Variants in PLEKHA6 observed in about 807,000 individuals in gnomAD.
PLEKHA6 encodes the protein pleckstrin homology domain containing A6.
Under a neutral mutation model 116.7 loss-of-function variants are expected in PLEKHA6, and 60 were observed. The observed-to-expected ratio is 0.51, with a 90% confidence interval of 0.42 to 0.64. PLEKHA6 has a LOEUF of 0.64. Ranked by LOEUF, PLEKHA6 falls within the 30% of genes least tolerant of loss-of-function variation. The probability of loss-of-function intolerance (pLI) is 0.00; values close to 1 mark genes in which losing one functional copy is unlikely to be tolerated. For synonymous variants in PLEKHA6, 489 were observed against 556.1 expected (o/e 0.88, Z 1.70); for missense variants, 1,338 against 1,422.7 (o/e 0.94, Z 0.96).
intron 1 of PLEKHA6, among the ~76,000 whole-genome samples, chr1:204,288,998 T>G (rs948136084): frequency 6.6e-6 from 1 of 152,148 alleles, no homozygotes; most frequent in Non-Finnish European, 1.5e-5. Context: ...CCTTTAAAAA[T>G]AGGCAACTGA....
chr1:204,339,106 G>A (rs1015440970), intron 1 of PLEKHA6, among the ~76,000 whole-genome samples: 1 of 152,192 alleles, frequency 6.6e-6, no homozygotes, highest in Non-Finnish European at 1.5e-5. Context: ...AGAACCAACC[G>A]CCTCACTGAG....
chr1:204,297,724 T>C, intron 1 of PLEKHA6: 1 of 191,174 alleles, frequency 5.2e-6, no homozygotes, highest in Non-Finnish European at 9.7e-6. Context: ...TGGTTATCAT[T>C]GTCTCAACCC....
intron 1 of PLEKHA6, among the ~76,000 whole-genome samples, chr1:204,328,423 T>C (rs1672328038): frequency 6.7e-6 from 1 of 149,874 alleles, no homozygotes; most frequent in African/African-American, 2.5e-5. Context: ...TTAGACAGAG[T>C]TTCGCTCTTG....
In PLEKHA6 at chr1:204,264,986, C is replaced by A. The variant is rs779272528; in HGVS notation, c.337G>T (p.Ala113Ser). 6.2e-7 allele frequency: 1 copy of A among 1,613,968 alleles called. No homozygotes were observed. Among genetic ancestry groups the A allele is most frequent in the Admixed American group, 1.7e-5 (1 of 60,014 alleles). ...CTGATGTTGTCTGAGGGCTGCACTG[C>A]GGCTACCCGGAAGCTCAGGAGGGGG... ...SIPLLSFRVA[A>S]VQPSDNISRK... The change falls in exon 6 of 23, where the codon GCA becomes TCA. Residue 113 changes from alanine (A) to serine (S), a missense_variant. Coordinates refer to ENST00000272203, the MANE Select transcript of PLEKHA6 (RefSeq NM_014935.5).
rs763195029 is a variant in PLEKHA6, at chr1:204,238,785, C to T, written c.2409+2590G>A. Reference sequence around the variant, plus strand: ...TTCTGCAAGATATGCAGGCACCACCCGAAAGTAGACAGCTGCAGCACTACA... The same window carrying T: ...TTCTGCAAGATATGCAGGCACCACCTGAAAGTAGACAGCTGCAGCACTACA... On this transcript the variant is annotated intron_variant, in intron 17 of 22. Coordinates refer to ENST00000272203, the MANE Select transcript of PLEKHA6 (RefSeq NM_014935.5). The surrounding 1 kb of genome is among the most constrained non-coding windows in gnomAD (Gnocchi z 4.2). Among the ~76,000 whole-genome samples the T allele has an allele frequency of 6.6e-6, 1 of 152,178 alleles. No homozygotes were observed. Among genetic ancestry groups the T allele is most frequent in the Non-Finnish European group, 1.5e-5 (1 of 68,036 alleles).
At chr1:204,291,728 A>C (rs551338831) in intron 1 of PLEKHA6, among the ~76,000 whole-genome samples, 6 of 152,362 alleles carry the variant, frequency 3.9e-5, no homozygotes, top group African/African-American at 1.4e-4. Context: ...TAAAAATGCA[A>C]ACTAATCTAT....
intron 21 of PLEKHA6, among the ~76,000 whole-genome samples, chr1:204,224,236 T>C (rs1660022066): frequency 3.9e-5 from 6 of 152,102 alleles, no homozygotes; most frequent in Admixed American, 1.3e-4. Flanking sequence ...TTTGAATTAA[T>C]GAGATTTTAC....
At chr1:204,304,961 A>G (rs1435926876) in intron 1 of PLEKHA6, among the ~76,000 whole-genome samples, 2 of 152,216 alleles carry the variant, frequency 1.3e-5, no homozygotes, top group Non-Finnish European at 2.9e-5. Flanking sequence ...CACCCTACTG[A>G]AACCTCTTAA....
At chr1:204,349,252 T>C (rs897203177) in intron 1 of PLEKHA6, among the ~76,000 whole-genome samples, 1 of 152,084 alleles carries the variant, frequency 6.6e-6, no homozygotes, top group Non-Finnish European at 1.5e-5. Flanking sequence ...AATCCTTGAG[T>C]TCTTGGCCGG....
chr1:204,325,952 C>T, intron 1 of PLEKHA6: 1 of 981,078 alleles, frequency 1.0e-6, no homozygotes, highest in Non-Finnish European at 1.2e-6. Context: ...CTGGGCTGAA[C>T]ACAAAAGGGG....
chr1:204,311,644 G>C (rs1671662539), intron 1 of PLEKHA6: 1 of 971,850 alleles, frequency 1.0e-6, no homozygotes. Flanking sequence ...ATGTTCAAAG[G>C]GTTTTTAAAC....
Position 204,359,718 on chromosome 1 carries a change from G to A in PLEKHA6, c.-119C>T, listed in dbSNP as rs918434726. 1.0e-5 allele frequency: 10 copies of A among 976,056 alleles called. No homozygotes were observed. Among genetic ancestry groups the A allele is most frequent in the African/African-American group, 8.8e-5 (5 of 57,044 alleles). The allele number at this position is 976,056 out of a possible 1,614,324, so 60.5% of individuals were successfully genotyped here. On this transcript the variant is annotated 5_prime_UTR_variant, in exon 1 of 23. Coordinates refer to ENST00000272203, the MANE Select transcript of PLEKHA6 (RefSeq NM_014935.5). ...CCGGCTTCTGAGGTGTGATCCCCGC[G>A]CTGGAAAGCTCTAACTCTGCGAGCC...
At chr1:204,312,193 C>CA (rs1463844381) in intron 1 of PLEKHA6, among the ~76,000 whole-genome samples, 2 of 152,238 alleles carry the variant, frequency 1.3e-5, no homozygotes, top group Admixed American at 6.5e-5. Flanking sequence ...CTTTTCCCTA[C>CA]AGTCCAAGGC....
intron 1 of PLEKHA6, among the ~76,000 whole-genome samples, chr1:204,343,580 A>G (rs1325239307): frequency 6.6e-6 from 1 of 152,184 alleles, no homozygotes. Context: ...AATGATAAAC[A>G]AGTGAGCCCA....
chr1:204,295,778 A>G (rs1572108301), intron 1 of PLEKHA6, among the ~76,000 whole-genome samples: 3 of 152,078 alleles, frequency 2.0e-5, no homozygotes, highest in African/African-American at 7.2e-5. Context: ...AGGAAAACAA[A>G]CCAACAGATT....
intron 15 of PLEKHA6, chr1:204,243,200 C>T (rs1017622374): frequency 4.3e-5 from 17 of 399,060 alleles, no homozygotes; most frequent in African/African-American, 1.2e-4. Context: ...AGTGGAGGGA[C>T]GGCTGGAGGA....
intron 17 of PLEKHA6, among the ~76,000 whole-genome samples, chr1:204,236,051 C>T (rs1031185212): frequency 2.0e-5 from 3 of 152,070 alleles, no homozygotes; most frequent in Admixed American, 1.3e-4. Flanking sequence ...ATGCTACACT[C>T]GAACTGTTTG....
intron 1 of PLEKHA6, among the ~76,000 whole-genome samples, chr1:204,346,601 A>G (rs1251820545): frequency 6.6e-6 from 1 of 152,158 alleles, no homozygotes; most frequent in Admixed American, 6.5e-5. Context: ...GGAAACATGG[A>G]AACATCCATA....
At chr1:204,229,131 A>G in intron 18 of PLEKHA6, 27 bp from the exon 19 acceptor site, 1 of 1,603,076 alleles carries the variant, frequency 6.2e-7, no homozygotes. Flanking sequence ...TCGTGATTGC[A>G]CCATGGCTAC....
Sources: allele counts gnomAD v4.1 joint callset (sites outside exome capture counted in the v4.1 genomes callset), GRCh38; gene constraint gnomAD v4.1.1; non-coding constraint Gnocchi (gnomAD v3.1); transcripts MANE v1.5; gene names NCBI Gene and HGNC (gene_info 2026-07-23, HGNC 2026-07-21).